ZNF66: variants seen among roughly 807,000 people sequenced by gnomAD.
ZNF66 encodes zinc finger protein 66.
ZNF66 carries 32 observed loss-of-function variants against 35.2 expected under a neutral mutation model. The observed-to-expected ratio is 0.91, with a 90% CI of 0.69 to 1.22. The LOEUF is 1.22. Among genes scored for constraint, ZNF66 ranks in the 50% most tolerant of loss-of-function variants. The pLI, the probability that ZNF66 is intolerant of heterozygous loss-of-function variation, is 0.00. For synonymous variants in ZNF66, 231 were observed against 181.3 expected, an observed-to-expected ratio of 1.27 and a Z score of -2.20; for missense variants, 666 against 543.1, an observed-to-expected ratio of 1.23 and a Z score of -2.25.
chr19:20,802,264 AG>A, intron 3 of ZNF66, among the ~76,000 whole-genome samples: 1 of 152,178 alleles, frequency 6.6e-6, no homozygotes, highest in Non-Finnish European at 1.5e-5. Context: ...AAATGCAATG[AG>A]ACATTTGAAA....
rs770185863 is a variant in ZNF66, at chr19:20,806,478, T to A, written c.878T>A (p.Val293Asp). Residue 293 changes from valine (V) to aspartate (D), a missense_variant, in exon 4 of 4, where the codon GTT becomes GAT. Physicochemically the swap from Val to Asp is radical, Grantham distance 152 (BLOSUM62 -3). Coordinates refer to ENST00000344519, the MANE Select transcript of ZNF66 (RefSeq NM_001355197.2). ...KPYKCEECGK[V>D]FKYLSSLSTH... is the part of the protein sequence containing the mutation. ...TACAAATGTGAAGAATGTGGCAAAG[T>A]TTTTAAGTACCTTTCTTCCCTTTCT... 1 of 1,506,784 alleles carries A rather than the reference T, an allele frequency of 6.6e-7. No individual in the cohort carries two copies. Among genetic ancestry groups the A allele is most frequent in the East Asian group, 2.3e-5 (1 of 43,414 alleles). The allele number at this position is 1,506,784 out of a possible 1,614,324, so 93.3% of individuals were successfully genotyped here. A position where few individuals can be genotyped will look rare whatever the true frequency, so the allele number is the denominator to read the frequency against.
At chr19:20,799,725 CTG>C (rs1393596289) in intron 3 of ZNF66, among the ~76,000 whole-genome samples, 2 of 152,148 alleles carry the variant, frequency 1.3e-5, no homozygotes, top group Non-Finnish European at 2.9e-5. Context: ...CATGGCAACT[CTG>C]TGGAAGATCA....
intron 1 of ZNF66, among the ~76,000 whole-genome samples, chr19:20,781,085 A>G (rs1168818692): frequency 3.3e-5 from 5 of 152,176 alleles, no homozygotes; most frequent in Middle Eastern, 6.8e-3. Flanking sequence ...TTCTCCACCA[A>G]CCTACCATTT....
chr19:20,781,181 A>G (rs1971242229), intron 1 of ZNF66, among the ~76,000 whole-genome samples: 1 of 152,174 alleles, frequency 6.6e-6, no homozygotes, highest in Non-Finnish European at 1.5e-5. Flanking sequence ...TGCAGCAAAA[A>G]TCAGTCCTCT....
At chr19:20,781,872 T>C (rs1376284924) in intron 1 of ZNF66, among the ~76,000 whole-genome samples, 1 of 152,136 alleles carries the variant, frequency 6.6e-6, no homozygotes, top group Non-Finnish European at 1.5e-5. Flanking sequence ...GGACGTGATT[T>C]TTTTTTAATG....
intron 3 of ZNF66, among the ~76,000 whole-genome samples, chr19:20,805,332 T>G (rs1386159191): frequency 1.3e-5 from 2 of 152,084 alleles, no homozygotes. Flanking sequence ...TAGCTGAGAT[T>G]ACAAGTTCCT....
intron 3 of ZNF66, among the ~76,000 whole-genome samples, chr19:20,797,269 A>C (rs1410662350): frequency 4.1e-5 from 4 of 97,944 alleles, no homozygotes; most frequent in Non-Finnish European, 7.7e-5. Flanking sequence ...GCAGTGGCGC[A>C]ATCTCGGCTC....
intron 3 of ZNF66, among the ~76,000 whole-genome samples, chr19:20,800,415 A>G (rs192849467): frequency 2.8e-4 from 43 of 152,310 alleles, no homozygotes; most frequent in African/African-American, 7.0e-4. Context: ...TTATGTATCT[A>G]TGAAGCCTAT....
chr19:20,805,277 C>G (rs1971490752), intron 3 of ZNF66, among the ~76,000 whole-genome samples: 1 of 152,128 alleles, frequency 6.6e-6, no homozygotes, highest in Non-Finnish European at 1.5e-5. Context: ...TTACTGCAAC[C>G]TCTGCCTCCT....
rs1407701535 is a variant in ZNF66 at position 20,808,512 on chromosome 19, A to G, written c.*1190A>G. Among the ~76,000 whole-genome samples the G allele has an allele frequency of 1.3e-5, 2 of 152,114 alleles. No homozygotes were observed. The highest frequency in any genetic ancestry group is 2.4e-5 in the African/African-American group (1 of 41,426). On this transcript the variant is annotated 3_prime_UTR_variant, in exon 4 of 4. Transcript: ENST00000344519. ...CTCATATAAAACTTCCAGAGGACCG[A>G]TCAGGCAGCAGCATTTGTGGTTCAT...
chr19:20,785,764 TGTTTGTTTG>T (rs1971281889), intron 1 of ZNF66, among the ~76,000 whole-genome samples: 1 of 128,202 alleles, frequency 7.8e-6, no homozygotes, highest in African/African-American at 2.8e-5. Flanking sequence ...TTTGTTTGTT[TGTTTGTTTG>T]TTTTTTGAGA....
chr19:20,786,975 G>A (rs535674961), intron 1 of ZNF66, among the ~76,000 whole-genome samples: 2 of 152,212 alleles, frequency 1.3e-5, no homozygotes, highest in Admixed American at 1.3e-4. Context: ...TGGTCAGGCT[G>A]GTCTTGAACT....
chr19:20,786,818 A>G (rs1329460936), intron 1 of ZNF66, among the ~76,000 whole-genome samples: 1 of 152,190 alleles, frequency 6.6e-6, no homozygotes, highest in African/African-American at 2.4e-5. Context: ...GCTGAGTGCA[A>G]TGGCACAATC....
At chr19:20,792,147 AG>A (rs1204987698) in intron 1 of ZNF66, among the ~76,000 whole-genome samples, 4 of 151,390 alleles carry the variant, frequency 2.6e-5, no homozygotes, top group African/African-American at 9.7e-5. Flanking sequence ...CTGCATAACA[AG>A]GTCTTCAGCT....
chr19:20,805,690 A>G (rs1253011773), intron 3 of ZNF66, 137 bp from the exon 4 acceptor site: 5 of 423,282 alleles, frequency 1.2e-5, no homozygotes, highest in African/African-American at 4.1e-5. Flanking sequence ...TTATATGTCC[A>G]GGAAGAAATT....
At chr19:20,776,522 G>C in intron 1 of ZNF66, 72 bp downstream of exon 1, 1 of 1,472,344 alleles carries the variant, frequency 6.8e-7, no homozygotes, top group African/African-American at 1.4e-5. Flanking sequence ...CCCTCAGTCA[G>C]CTCCACAATC....
At chr19:20,781,974 T>C (rs1971249613) in intron 1 of ZNF66, among the ~76,000 whole-genome samples, 1 of 152,230 alleles carries the variant, frequency 6.6e-6, no homozygotes, top group African/African-American at 2.4e-5. Context: ...GTCTCACTTA[T>C]TGCCCAGGCC....
At chr19:20,794,553 ATATT>A (rs1189957839) in intron 3 of ZNF66, 13 of 151,570 alleles carry the variant, frequency 8.6e-5, no homozygotes, top group African/African-American at 1.4e-4. Context: ...TTCTTTAATA[ATATT>A]TATTCTTTTA....
intron 3 of ZNF66, among the ~76,000 whole-genome samples, chr19:20,801,258 G>A (rs1356244833): frequency 6.6e-6 from 1 of 151,782 alleles, no homozygotes; most frequent in Non-Finnish European, 1.5e-5. Flanking sequence ...AGGGAGCATA[G>A]TGTATGCTTT....
Sources: allele counts gnomAD v4.1 joint callset (sites outside exome capture counted in the v4.1 genomes callset), GRCh38; gene constraint gnomAD v4.1.1; transcripts MANE v1.5; gene names NCBI Gene and HGNC (gene_info 2026-07-23, HGNC 2026-07-21).